Variants in TFAP2E observed in about 807,000 individuals in gnomAD.
TFAP2E encodes transcription factor AP-2-epsilon.
Under a neutral mutation model 37.9 loss-of-function variants are expected in TFAP2E, and 30 were observed. That is an observed-to-expected ratio of 0.79 (90% CI 0.59 to 1.07). The LOEUF is 1.07. Ranked by LOEUF, TFAP2E falls within the 50% of genes least tolerant of loss-of-function variation. The pLI is 0.00. For synonymous variants in TFAP2E, 318 were observed against 295.8 expected, an observed-to-expected ratio of 1.08 and a Z score of -0.77; for missense variants, 567 against 637.9, an observed-to-expected ratio of 0.89 and a Z score of 1.20.
At chr1:35,587,653 A>AAGAAAG (rs1553121945) in intron 3 of TFAP2E, among the ~76,000 whole-genome samples, 4 of 147,788 alleles carry the variant, frequency 2.7e-5, no homozygotes, top group African/African-American at 1.0e-4. Flanking sequence ...AAAAAAAAAA[A>AAGAAAG]AAAGAAAGAA....
intron 3 of TFAP2E, among the ~76,000 whole-genome samples, chr1:35,587,244 C>A (rs112685205): frequency 0.017 from 2,583 of 152,306 alleles, 59 homozygotes; most frequent in East Asian, 0.062. Context: ...GCAAGTGCTT[C>A]GATATTCTCC....
At chr1:35,592,016 G>A (rs1225738349) in intron 6 of TFAP2E, among the ~76,000 whole-genome samples, 1 of 152,182 alleles carries the variant, frequency 6.6e-6, no homozygotes, top group Non-Finnish European at 1.5e-5. Flanking sequence ...GGCCAGGCAA[G>A]GTGGCTCACA....
In TFAP2E at chr1:35,573,639, G is replaced by T. The variant is rs1216246821; in HGVS notation, c.27+35G>T. The T allele has an allele frequency of 5.9e-6, 9 of 1,537,404 alleles. No individual in the cohort carries two copies. The highest frequency in any genetic ancestry group is 4.0e-5 in the Admixed American group (2 of 50,028). Reference sequence around the variant, plus strand: ...CTCGGGCCCGGGACATATTCGGCCGGGGGATCGGGGCGCCTGAGTGCTGGA... The same window carrying T: ...CTCGGGCCCGGGACATATTCGGCCGTGGGATCGGGGCGCCTGAGTGCTGGA... On this transcript the variant is annotated intron_variant, in intron 1 of 6. Coordinates refer to ENST00000373235, the MANE Select transcript of TFAP2E (RefSeq NM_178548.4). This position sits in a 1 kb window ranked among gnomAD's most constrained non-coding sequence, Gnocchi z 5.9.
At chr1:35,585,430 C>T (rs527404971) in intron 3 of TFAP2E, among the ~76,000 whole-genome samples, 27 of 152,324 alleles carry the variant, frequency 1.8e-4, no homozygotes, top group African/African-American at 6.3e-4. Flanking sequence ...AGCCCACTTA[C>T]TATGTTACCT....
chr1:35,580,667 C>T (rs1009903231), intron 3 of TFAP2E, among the ~76,000 whole-genome samples: 16 of 151,866 alleles, frequency 1.1e-4, no homozygotes, highest in Non-Finnish European at 1.8e-4. Flanking sequence ...CCCAGCTACT[C>T]GGGAGGCTGA....
chr1:35,583,603 AGTGTGTGTGTGTGTGT>A (rs201106841), intron 3 of TFAP2E, among the ~76,000 whole-genome samples: 1 of 137,914 alleles, frequency 7.3e-6, no homozygotes, highest in African/African-American at 2.6e-5. Context: ...TGTCTGCAGG[AGTGTGTGTGTGTGTGT>A]GTGTGTGTGT....
At chr1:35,576,071 A>T (rs1003249630) in intron 3 of TFAP2E, among the ~76,000 whole-genome samples, 10 of 152,240 alleles carry the variant, frequency 6.6e-5, no homozygotes, top group African/African-American at 2.4e-4. Flanking sequence ...TGCCCCAGGC[A>T]GGCACTGCTC....
rs1649542532 is a variant in TFAP2E, at chr1:35,588,094, C to T, written c.563-236C>T. 6.6e-6 allele frequency among the ~76,000 whole-genome samples: 1 copy of T among 152,122 alleles called. No homozygotes were observed. The highest frequency in any genetic ancestry group is 1.5e-5 in the Non-Finnish European group (1 of 68,028). On this transcript the variant is annotated intron_variant, in intron 3 of 6. Coordinates refer to ENST00000373235, the MANE Select transcript of TFAP2E (RefSeq NM_178548.4). This position sits in a 1 kb window ranked among gnomAD's most constrained non-coding sequence, Gnocchi z 5.1. ...CTAAAACACCAAGATTCCGCTGGAG[C>T]TGTTTGAGTTTAAGATAGGACCAGC...
downstream of TFAP2E, among the ~76,000 whole-genome samples, chr1:35,595,533 A>C (rs985616362): frequency 3.9e-5 from 6 of 152,202 alleles, no homozygotes; most frequent in Admixed American, 1.3e-4. Context: ...TTGCCCCTGC[A>C]GTTGATGTAC....
Position 35,582,078 on chromosome 1 carries a change from G to A in TFAP2E, c.563-6252G>A, listed in dbSNP as rs149036389. On this transcript the variant is annotated intron_variant, in intron 3 of 6. Transcript: ENST00000373235. ...TTTAGTTGAGACGGGGTTTCACCAC[G>A]TTGGACAGGCTGGCTGGTCTCGAAC... 3.3e-4 allele frequency among the ~76,000 whole-genome samples: 50 copies of A among 151,998 alleles called. No individual in the cohort carries two copies. In the East Asian group the frequency reaches 7.3e-3, roughly 22 times the overall value.
At chr1:35,576,545 A>G (rs1212078517) in intron 3 of TFAP2E, among the ~76,000 whole-genome samples, 1 of 152,164 alleles carries the variant, frequency 6.6e-6, no homozygotes, top group African/African-American at 2.4e-5. Context: ...CTTGGGCTCA[A>G]GAGACTGGGA....
Position 35,589,956 on chromosome 1 carries a change from G to A in TFAP2E, c.812G>A (p.Cys271Tyr), listed in dbSNP as rs1057159421. 1 of 1,614,088 alleles carries A rather than the reference G, an allele frequency of 6.2e-7. No homozygotes were observed. The highest frequency in any genetic ancestry group is 1.1e-5 in the South Asian group (1 of 91,080). ...RRAKSKNGGR[C>Y]LRERLEKIGL... The stretch of plus-strand genomic sequence containing the variant: ...GCCAAGTCCAAAAATGGGGGCCGGT[G>A]TTTGCGGGAACGGTTAGAGAAGATT... Residue 271 changes from cysteine to tyrosine, a missense_variant, in exon 5 of 7, where the codon TGT becomes TAT. By Grantham distance (194) the Cys-to-Tyr change is radical. Around this residue, in one of 3 missense-constraint regions of TFAP2E, gnomAD observed 252 missense variants for 302.6 expected, o/e 0.83. Coordinates refer to ENST00000373235, the MANE Select transcript of TFAP2E (RefSeq NM_178548.4).
Position 35,588,319 on chromosome 1 carries a change from C to T in TFAP2E, c.563-11C>T. ...GCAGCCACTGGCTCAGCGTTTCCCT[C>T]TTCTCCACAGTGCCCATCCCCTCCA... On this transcript the variant is annotated splice_polypyrimidine_tract_variant and intron_variant, in intron 3 of 6. Coordinates refer to ENST00000373235, the MANE Select transcript of TFAP2E (RefSeq NM_178548.4). The surrounding 1 kb of genome is among the most constrained non-coding windows in gnomAD (Gnocchi z 5.1). 1 of 1,602,646 alleles carries T rather than the reference C, an allele frequency of 6.2e-7. No homozygotes were observed. Among genetic ancestry groups the T allele is most frequent in the East Asian group, 2.2e-5 (1 of 44,618 alleles).
chr1:35,582,199 A>G (rs1168445644), intron 3 of TFAP2E, among the ~76,000 whole-genome samples: 2 of 152,016 alleles, frequency 1.3e-5, no homozygotes, highest in Non-Finnish European at 2.9e-5. Context: ...TATTATAACC[A>G]TCAAGTGGTA....
intron 2 of TFAP2E, 95 bp from the exon 3 acceptor site, chr1:35,574,854 G>A (rs1649122948): frequency 7.7e-6 from 12 of 1,566,330 alleles, no homozygotes; most frequent in African/African-American, 1.4e-5. Flanking sequence ...TGCGCCTTGG[G>A]CGGAGCAGAC....
intron 3 of TFAP2E, among the ~76,000 whole-genome samples, chr1:35,585,592 C>T (rs1304004199): frequency 6.6e-6 from 1 of 152,128 alleles, no homozygotes; most frequent in African/African-American, 2.4e-5. Context: ...AGGCTAATTT[C>T]AAACAATGTA....
At position 35,588,670 on chromosome 1, in the gene TFAP2E, AG is replaced by A; in HGVS notation, c.785+122del. 1 of 1,092,608 alleles carries A rather than the reference AG, an allele frequency of 9.2e-7. No homozygotes were observed. The highest frequency in any genetic ancestry group is 1.3e-6 in the Non-Finnish European group (1 of 794,046). The allele number at this position is 1,092,608 out of a possible 1,614,324, so 67.7% of individuals were successfully genotyped here. ...GGCCCTCTGCCTCAGTCTCCCTGGG[AG>A]GGGAGGCCCCGGGGACTCTGGATTG... is the stretch of plus-strand genomic sequence containing the variant. On this transcript the variant is annotated intron_variant, in intron 4 of 6. Transcript: ENST00000373235. The surrounding 1 kb of genome is among the most constrained non-coding windows in gnomAD (Gnocchi z 5.1).
chr1:35,583,281 T>C (rs568700758), intron 3 of TFAP2E, among the ~76,000 whole-genome samples: 1 of 152,256 alleles, frequency 6.6e-6, no homozygotes, highest in Admixed American at 6.5e-5. Flanking sequence ...AAGATTTTTC[T>C]CCTAAGTTTT....
chr1:35,579,078 T>A lies in TFAP2E; in HGVS notation c.562+4078T>A, dbSNP rs1649267534. Among the ~76,000 whole-genome samples the A allele has an allele frequency of 1.7e-4, 5 of 30,210 alleles. No individual in the cohort carries two copies. In the South Asian group the frequency reaches 5.9e-3, roughly 36 times the overall value. 19.8% of individuals were successfully genotyped at this position (30,210 alleles called of 152,430 possible). A position where few individuals can be genotyped will look rare whatever the true frequency, so the allele number is the denominator to read the frequency against. ...GCCTGGACAACAGAGGGAGACTATCTCAAAAAAAAAAAAAAAAAAAAAAAA... is the reference window on the plus strand; with the variant it reads ...GCCTGGACAACAGAGGGAGACTATCACAAAAAAAAAAAAAAAAAAAAAAAA... On this transcript the variant is annotated intron_variant, in intron 3 of 6. Coordinates refer to ENST00000373235, the MANE Select transcript of TFAP2E (RefSeq NM_178548.4).
Sources: gnomAD v4.1 joint callset for allele counts (sites outside exome capture counted in the v4.1 genomes callset) on GRCh38, gnomAD v4.1.1 for gene constraint, gnomAD v4.1.1 regional missense constraint, Gnocchi (gnomAD v3.1) non-coding constraint, MANE v1.5 for transcripts, NCBI Gene and HGNC (gene_info 2026-07-23, HGNC 2026-07-21) for gene names.